The following NTN1 variants were observed in gnomAD, a reference collection of about 807,000 sequenced individuals.
NTN1 encodes the protein netrin 1, also known as netrin-1.
Under a neutral mutation model 54.2 loss-of-function variants are expected in NTN1, and 11 were observed. The observed-to-expected ratio is 0.20, with a 90% CI of 0.13 to 0.34. The LOEUF (loss-of-function observed/expected upper bound fraction) is 0.34. Among genes scored for constraint, NTN1 ranks in the 10% least tolerant of loss-of-function variants. NTN1 has a pLI of 1.00. For missense variants in NTN1, 740 were observed against 893.1 expected (o/e 0.83, Z 2.18); for synonymous variants, 371 against 382.0 (o/e 0.97, Z 0.33).
At position 9,239,724 on chromosome 17, in the gene NTN1, G is replaced by C; in HGVS notation, c.1571G>C (p.Gly524Ala). Residue 524 changes from glycine (G) to alanine (A), a missense_variant, in exon 7 of 7, where the codon GGC becomes GCC. Gly to Ala is a moderately conservative substitution (Grantham distance 60). Coordinates refer to ENST00000173229, the MANE Select transcript of NTN1 (RefSeq NM_004822.3). This position sits in a 1 kb window ranked among gnomAD's most constrained non-coding sequence, Gnocchi z 5.2. Reference protein sequence around the residue: ...TVNIISVYKQGTSRIRRGDQS... With the variant: ...TVNIISVYKQATSRIRRGDQS... ...AACATCATCTCCGTGTATAAGCAGG[G>C]CACGAGCCGCATCCGCCGCGGTGAC... The C allele has an allele frequency of 6.2e-7, 1 of 1,612,848 alleles. No individual in the cohort carries two copies. Among genetic ancestry groups the C allele is most frequent in the South Asian group, 1.1e-5 (1 of 90,996 alleles).
intron 2 of NTN1, among the ~76,000 whole-genome samples, chr17:9,097,597 C>A (rs970720442): frequency 2.0e-5 from 3 of 151,960 alleles, no homozygotes; most frequent in African/African-American, 2.4e-5. Context: ...TGTACTCTAG[C>A]CTGGGCAACA....
At chr17:9,160,943 G>T (rs2092355307) in intron 2 of NTN1, among the ~76,000 whole-genome samples, 1 of 152,244 alleles carries the variant, frequency 6.6e-6, no homozygotes, top group African/African-American at 2.4e-5. Context: ...GGGCAACAGA[G>T]TGAGACCCTG....
At chr17:9,032,317 T>TG (rs1478674193) in intron 2 of NTN1, among the ~76,000 whole-genome samples, 5 of 152,274 alleles carry the variant, frequency 3.3e-5, no homozygotes, top group African/African-American at 1.2e-4. Flanking sequence ...CTGAAAAGAG[T>TG]GGTCCCCCAA....
intron 2 of NTN1, among the ~76,000 whole-genome samples, chr17:9,050,240 C>G (rs2091955886): frequency 6.6e-6 from 1 of 150,562 alleles, no homozygotes; most frequent in Non-Finnish European, 1.5e-5. Flanking sequence ...GAGTGAGACT[C>G]TGTCTCAAAA....
At chr17:9,209,698 G>A (rs73259936) in intron 5 of NTN1, among the ~76,000 whole-genome samples, 26 of 152,338 alleles carry the variant, frequency 1.7e-4, no homozygotes, top group African/African-American at 6.3e-4. Flanking sequence ...AAGCCCCGAG[G>A]ACCCCAGCTT....
At chr17:9,173,095 A>G (rs1005942761) in intron 3 of NTN1, 3 of 151,980 alleles carry the variant, frequency 2.0e-5, no homozygotes, top group African/African-American at 7.3e-5. Flanking sequence ...CAAAGCTCTG[A>G]ACTCACTTAG....
intron 4 of NTN1, among the ~76,000 whole-genome samples, chr17:9,180,273 A>G (rs1056290052): frequency 6.6e-6 from 1 of 152,230 alleles, no homozygotes; most frequent in African/African-American, 2.4e-5. Context: ...TCCTGACCTC[A>G]GGTGATCCAC....
intron 3 of NTN1, chr17:9,175,371 A>T (rs2092397324): frequency 6.6e-6 from 1 of 152,234 alleles, no homozygotes; most frequent in Non-Finnish European, 1.5e-5. Flanking sequence ...TGGTGCAGGC[A>T]GGGCCAGCAG....
At chr17:9,033,849 G>A (rs531575520) in intron 2 of NTN1, among the ~76,000 whole-genome samples, 2 of 150,622 alleles carry the variant, frequency 1.3e-5, no homozygotes, top group East Asian at 1.9e-4. Context: ...TCTGGGAGGC[G>A]GAGGTTGCAG....
At chr17:9,059,615 A>G (rs2091989776) in intron 2 of NTN1, among the ~76,000 whole-genome samples, 1 of 152,198 alleles carries the variant, frequency 6.6e-6, no homozygotes, top group East Asian at 1.9e-4. Context: ...AATGTCCAGA[A>G]GAGGCAAAGC....
intron 3 of NTN1, among the ~76,000 whole-genome samples, chr17:9,170,878 AC>A (rs1405169564): frequency 2.7e-5 from 4 of 150,706 alleles, no homozygotes; most frequent in African/African-American, 9.8e-5. Context: ...ACACACACAC[AC>A]ACACTCACAC....
chr17:9,082,712 C>T (rs1597481163), intron 2 of NTN1, among the ~76,000 whole-genome samples: 1 of 141,150 alleles, frequency 7.1e-6, no homozygotes, highest in Admixed American at 7.1e-5. Flanking sequence ...AGTTTCTCGC[C>T]TTTTTTTTTT....
intron 2 of NTN1, among the ~76,000 whole-genome samples, chr17:9,095,274 C>T (rs9903730): frequency 0.72 from 109,801 of 152,150 alleles, 40,028 homozygotes; most frequent in East Asian, 0.96. Context: ...CTCGTTCATG[C>T]AGAAAAATGC....
intron 2 of NTN1, among the ~76,000 whole-genome samples, chr17:9,079,667 C>T (rs980057857): frequency 2.6e-5 from 4 of 151,882 alleles, no homozygotes; most frequent in African/African-American, 9.7e-5. Context: ...GGAAGTGGTT[C>T]CCCAGTGGAC....
chr17:9,020,302 T>A (rs982693923), upstream of NTN1, among the ~76,000 whole-genome samples: 1 of 152,234 alleles, frequency 6.6e-6, no homozygotes, highest in African/African-American at 2.4e-5. Flanking sequence ...GAGCAGAGAT[T>A]CCGTTCCAAA....
intron 6 of NTN1, among the ~76,000 whole-genome samples, chr17:9,237,579 C>CT (rs1348194982): frequency 1.3e-5 from 2 of 152,156 alleles, no homozygotes; most frequent in Non-Finnish European, 1.5e-5. Flanking sequence ...AGGGTGCCTT[C>CT]TGCAGCATCC....
chr17:9,131,798 CTTTT>C (rs945510139), intron 2 of NTN1, among the ~76,000 whole-genome samples: 4 of 151,062 alleles, frequency 2.6e-5, no homozygotes, highest in Non-Finnish European at 5.9e-5. Flanking sequence ...GCCCTTGATG[CTTTT>C]TTTTATTATT....
At position 9,121,091 on chromosome 17, in the gene NTN1, G is replaced by A. The variant is rs187301335; in HGVS notation, c.1019-41722G>A. Reference sequence around the variant, plus strand: ...CTCAATACAGGACTGTGTGGTGCGAGGAAAAAGAAGGAAGCGGATGGCCCT... The same window carrying A: ...CTCAATACAGGACTGTGTGGTGCGAAGAAAAAGAAGGAAGCGGATGGCCCT... On this transcript the variant is annotated intron_variant, in intron 2 of 6. Transcript: ENST00000173229. Among the ~76,000 whole-genome samples the A allele has an allele frequency of 3.1e-3, 474 of 152,214 alleles. 9 individuals are homozygous for A. Among genetic ancestry groups the A allele is most frequent in the Non-Finnish European group, 7.6e-4 (52 of 68,028 alleles).
intron 6 of NTN1, among the ~76,000 whole-genome samples, chr17:9,236,131 G>GGC (rs1905981655): frequency 6.7e-6 from 1 of 149,872 alleles, no homozygotes; most frequent in East Asian, 2.1e-4. Context: ...ATTTGGGGGG[G>GGC]GGGGTACTAA....
Sources: allele counts gnomAD v4.1 joint callset (sites outside exome capture counted in the v4.1 genomes callset), GRCh38; gene constraint gnomAD v4.1.1; non-coding constraint Gnocchi (gnomAD v3.1); transcripts MANE v1.5; gene names NCBI Gene and HGNC (gene_info 2026-07-23, HGNC 2026-07-21).